LIG1: variants seen among roughly 807,000 people sequenced by gnomAD.
LIG1 encodes the protein DNA ligase 1.
Under a neutral mutation model 115.7 loss-of-function variants are expected in LIG1, and 70 were observed. That is an observed-to-expected ratio of 0.60 (90% CI 0.50 to 0.74). The LOEUF is 0.74. LIG1 is among the 30% of genes least tolerant of loss of function. LIG1 has a pLI of 0.00. For missense variants in LIG1, 1,115 were observed against 1,225.6 expected, an observed-to-expected ratio of 0.91 and a Z score of 1.35; for synonymous variants, 487 against 495.3, an observed-to-expected ratio of 0.98 and a Z score of 0.22.
rs528713884 is a variant in LIG1, at chr19:48,149,693, G to T, written c.776+70C>A. ...CAAGAGGAGGAAGCCTGAGCTGGGG[G>T]TGGGGCTGTCGGAATGCAGAGAAGG... On this transcript the variant is annotated intron_variant, in intron 9 of 27. Coordinates refer to ENST00000263274, the MANE Select transcript of LIG1 (RefSeq NM_000234.3). The T allele has an allele frequency of 2.5e-6, 3 of 1,215,692 alleles. No homozygotes were observed. In the South Asian group the frequency reaches 3.7e-5, roughly 15 times the overall value. The allele number at this position is 1,215,692 out of a possible 1,614,324, so 75.3% of individuals were successfully genotyped here.
chr19:48,130,717 C>T (rs1263634836), intron 19 of LIG1, among the ~76,000 whole-genome samples: 2 of 152,206 alleles, frequency 1.3e-5, no homozygotes, highest in African/African-American at 4.8e-5. Flanking sequence ...AGCTAGAATC[C>T]CTTTTCCCTC....
intron 25 of LIG1, 106 bp downstream of exon 25, chr19:48,119,031 C>G (rs779494188): frequency 8.7e-5 from 80 of 917,660 alleles, no homozygotes; most frequent in Admixed American, 4.4e-4. Flanking sequence ...CTGCCCACAC[C>G]TGGAGCCCCA....
chr19:48,150,073 G>T lies in LIG1; in HGVS notation c.697+15C>A. On this transcript the variant is annotated intron_variant, in intron 8 of 27. Transcript: ENST00000263274. Reference sequence around the variant, plus strand: ...TGTACAACCCCGGGAGGTGGGGTGAGCAAGGGAAACTCACTGAAGAAGCTG... The same window carrying T: ...TGTACAACCCCGGGAGGTGGGGTGATCAAGGGAAACTCACTGAAGAAGCTG... 1.2e-6 allele frequency: 2 copies of T among 1,614,142 alleles called. No homozygotes were observed. Among genetic ancestry groups the T allele is most frequent in the Non-Finnish European group, 1.7e-6 (2 of 1,180,020 alleles).
At chr19:48,121,630 C>T (rs971843697) in intron 23 of LIG1, among the ~76,000 whole-genome samples, 7 of 152,064 alleles carry the variant, frequency 4.6e-5, no homozygotes, top group Admixed American at 6.5e-5. Flanking sequence ...GGAGAAACCC[C>T]GTCTCTATTA....
At chr19:48,133,168 A>C in intron 17 of LIG1, 71 bp from the exon 18 acceptor site, 1 of 988,282 alleles carries the variant, frequency 1.0e-6, no homozygotes, top group Non-Finnish European at 1.6e-6. Context: ...GGAGAGGAGA[A>C]CTGCTAATGG....
At chr19:48,148,507 A>T (rs1309319136) in intron 9 of LIG1, among the ~76,000 whole-genome samples, 3 of 150,626 alleles carry the variant, frequency 2.0e-5, no homozygotes, top group Admixed American at 6.6e-5. Flanking sequence ...GAGGAATGAC[A>T]GCACGTGGGG....
chr19:48,162,067 C>T (rs1473381594), intron 3 of LIG1, among the ~76,000 whole-genome samples, 195 bp downstream of exon 3: 1 of 152,156 alleles, frequency 6.6e-6, no homozygotes, highest in African/African-American at 2.4e-5. Context: ...CCTGCAGAAA[C>T]AGAGACGTAC....
intron 5 of LIG1, 41 bp from the exon 6 acceptor site, chr19:48,154,008 T>C: frequency 6.4e-7 from 1 of 1,552,308 alleles, no homozygotes; most frequent in Non-Finnish European, 8.9e-7. Context: ...CCTCGCTGGC[T>C]CGTGTGCTCC....
At chr19:48,168,480 G>A (rs1466753812) in intron 1 of LIG1, among the ~76,000 whole-genome samples, 1 of 152,154 alleles carries the variant, frequency 6.6e-6, no homozygotes, top group Non-Finnish European at 1.5e-5. Context: ...GAACAAACTG[G>A]TTGATGCCTC....
intron 12 of LIG1, among the ~76,000 whole-genome samples, chr19:48,138,893 A>T (rs2034565679): frequency 6.6e-6 from 1 of 152,180 alleles, no homozygotes; most frequent in South Asian, 2.1e-4. Context: ...TCTTGAGTGA[A>T]TGAGTGAGAA....
chr19:48,163,258 T>C (rs1349590669), intron 2 of LIG1, among the ~76,000 whole-genome samples: 1 of 148,574 alleles, frequency 6.7e-6, no homozygotes, highest in African/African-American at 2.5e-5. Context: ...TTCACTCTTG[T>C]TGCCCAAGGG....
chr19:48,117,756 G>A lies in LIG1; in HGVS notation c.2465C>T (p.Pro822Leu). The A allele has an allele frequency of 6.2e-7, 1 of 1,613,222 alleles. No homozygotes were observed. The highest frequency in any genetic ancestry group is 2.2e-5 in the East Asian group (1 of 44,864). The change falls in exon 26 of 28, where the codon CCT becomes CTT. Residue 822 changes from proline (P) to leucine (L), a missense_variant. Coordinates refer to ENST00000263274, the MANE Select transcript of LIG1 (RefSeq NM_000234.3). The part of the protein sequence containing the change: ...LKALVLPSPR[P>L]YVRIDGAVIP... ...CACAGCGCCATCTATCCGCACGTAA[G>A]GGCGTGGGCTGGGCAGCACCAGCGC...
In LIG1 at chr19:48,161,457, A is replaced by C; in HGVS notation, c.158T>G (p.Val53Gly). Residue 53 changes from valine to glycine, a missense_variant, in exon 4 of 28, where the codon GTG becomes GGG. By Grantham distance (109) the Val-to-Gly change is moderately radical. Coordinates refer to ENST00000263274, the MANE Select transcript of LIG1 (RefSeq NM_000234.3). ...NGVVSESDSP[V>G]KRPGRKAARV... The stretch of plus-strand genomic sequence containing the variant: ...GGCCGCCTTCCTCCCTGGCCTCTTC[A>C]CCGGAGAGTCACTCTCGGACACCAC... 6.2e-7 allele frequency: 1 copy of C among 1,613,958 alleles called. No homozygotes were observed. Among genetic ancestry groups the C allele is most frequent in the Non-Finnish European group, 8.5e-7 (1 of 1,179,992 alleles).
chr19:48,149,993 G>T (rs1885038014), intron 8 of LIG1, 95 bp downstream of exon 8: 1 of 1,598,716 alleles, frequency 6.3e-7, no homozygotes, highest in Non-Finnish European at 8.6e-7. Flanking sequence ...AGGAAAGGAA[G>T]AAGGGTCTTC....
chr19:48,147,647 A>T (rs2035202283), intron 9 of LIG1, among the ~76,000 whole-genome samples: 1 of 22,942 alleles, frequency 4.4e-5, no homozygotes, highest in South Asian at 1.0e-3. Flanking sequence ...CCTGTCTTTA[A>T]AAAAAAAAAC....
chr19:48,134,346 C>A (rs1300015406), intron 16 of LIG1, among the ~76,000 whole-genome samples: 1 of 152,298 alleles, frequency 6.6e-6, no homozygotes, highest in Non-Finnish European at 1.5e-5. Context: ...CTCAAGAATA[C>A]AGTTTTTAAA....
intron 26 of LIG1, among the ~76,000 whole-genome samples, chr19:48,116,701 G>C (rs1241493349): frequency 1.3e-5 from 2 of 152,184 alleles, no homozygotes; most frequent in African/African-American, 2.4e-5. Context: ...GATTAAATGA[G>C]TGTCTATGAG....
rs1429959243 is a variant in LIG1 at position 48,117,670 on chromosome 19, G to A, written c.2551C>T (p.Leu851Phe). The A allele has an allele frequency of 3.7e-6, 6 of 1,612,730 alleles. No individual in the cohort carries two copies. The African/African-American group carries it at 4.0e-5, about 11-fold the overall frequency. ...VWEVKCADLS[L>F]SPIYPAARGL... ...CGCGCAGCAGGGTAGATGGGAGAGAGGGAGAGGTCAGCGCACTTCACCTCC... is the reference window on the plus strand; with the variant it reads ...CGCGCAGCAGGGTAGATGGGAGAGAAGGAGAGGTCAGCGCACTTCACCTCC... The change falls in exon 26 of 28, where the codon CTC (leucine) becomes TTC (phenylalanine). Residue 851 changes from leucine (L) to phenylalanine (F), a missense_variant. Leu to Phe is a conservative substitution (Grantham distance 22, BLOSUM62 0). Coordinates refer to ENST00000263274, the MANE Select transcript of LIG1 (RefSeq NM_000234.3).
chr19:48,127,470 G>A, intron 20 of LIG1, 122 bp from the exon 21 acceptor site: 2 of 896,796 alleles, frequency 2.2e-6, no homozygotes, highest in Admixed American at 3.5e-5. Flanking sequence ...GCCCATCTGT[G>A]AGGGCGGCCA....
Sources: allele counts gnomAD v4.1 joint callset (sites outside exome capture counted in the v4.1 genomes callset), GRCh38; gene constraint gnomAD v4.1.1; transcripts MANE v1.5; gene names NCBI Gene and HGNC (gene_info 2026-07-23, HGNC 2026-07-21).